The following PARL variants were observed in gnomAD, a reference collection of about 807,000 sequenced individuals.
The protein encoded by PARL is presenilin-associated rhomboid-like protein, mitochondrial.
A neutral mutation model predicts 51.6 loss-of-function variants in PARL; 44 were observed. That is an observed-to-expected ratio of 0.85 (90% confidence interval 0.67 to 1.10). PARL has a LOEUF of 1.10. Among genes scored for constraint, PARL ranks in the 50% least tolerant of loss-of-function variants. PARL has a pLI of 0.00. For missense variants in PARL, 441 were observed against 469.5 expected, an observed-to-expected ratio of 0.94 and a Z score of 0.56; for synonymous variants, 172 against 164.0, an observed-to-expected ratio of 1.05 and a Z score of -0.37.
intron 4 of PARL, among the ~76,000 whole-genome samples, chr3:183,847,243 G>C (rs1730059980): frequency 1.3e-5 from 2 of 152,282 alleles, no homozygotes; most frequent in South Asian, 4.1e-4. Context: ...TCTGTAAAAT[G>C]AGAATAATAA....
chr3:183,874,407 T>A (rs1411554081), intron 1 of PARL, among the ~76,000 whole-genome samples: 1 of 130,170 alleles, frequency 7.7e-6, no homozygotes, highest in African/African-American at 3.0e-5. Context: ...TCATTAGAAA[T>A]AATCTTTTTT....
chr3:183,846,892 G>T (rs1245348818), intron 4 of PARL, among the ~76,000 whole-genome samples: 3 of 152,226 alleles, frequency 2.0e-5, no homozygotes, highest in African/African-American at 2.4e-5. Context: ...GCTCTAAAAG[G>T]TACAAGTTGT....
Position 183,829,311 on chromosome 3 carries a change from C to T in PARL, c.*287G>A. 1.0e-6 allele frequency: 1 copy of T among 973,906 alleles called. No homozygotes were observed. Among genetic ancestry groups the T allele is most frequent in the Non-Finnish European group, 1.4e-6 (1 of 714,586 alleles). 60.3% of individuals were successfully genotyped at this position (973,906 alleles called of 1,614,324 possible). A position where few individuals can be genotyped will look rare whatever the true frequency, so the allele number is the denominator to read the frequency against. On this transcript the variant is annotated 3_prime_UTR_variant, in exon 10 of 10. Coordinates refer to ENST00000317096, the MANE Select transcript of PARL (RefSeq NM_018622.7). ...TCAGGCCTTTCAGGGTGCACTCTCC[C>T]CAGGTCCTGTCAATGCAACAACCAA...
chr3:183,838,025 T>TC (rs1728838597), intron 7 of PARL, among the ~76,000 whole-genome samples: 1 of 86,624 alleles, frequency 1.2e-5, no homozygotes, highest in Non-Finnish European at 2.4e-5. Flanking sequence ...CATTCAACTT[T>TC]CTTTTTTTTT....
chr3:183,834,013 C>G (rs1018756718), intron 7 of PARL, among the ~76,000 whole-genome samples, 188 bp from the exon 8 acceptor site: 3 of 152,156 alleles, frequency 2.0e-5, no homozygotes, highest in East Asian at 1.9e-4. Flanking sequence ...GTCCTTCACA[C>G]AGTAATCGCT....
At chr3:183,843,252 A>G in intron 5 of PARL, 1 of 985,392 alleles carries the variant, frequency 1.0e-6, no homozygotes, top group Non-Finnish European at 1.2e-6. Flanking sequence ...GTAAGCAACC[A>G]ATAAAAACTC....
chr3:183,842,411 C>T lies in PARL; in HGVS notation c.644G>A (p.Ser215Asn). 6.2e-7 allele frequency: 1 copy of T among 1,612,756 alleles called. No individual in the cohort carries two copies. The highest frequency in any genetic ancestry group is 8.5e-7 in the Non-Finnish European group (1 of 1,178,806). Residue 215 changes from serine (S) to asparagine (N), a missense_variant, in exon 6 of 10, where the codon AGT (serine) becomes AAT (asparagine). Transcript: ENST00000317096. Reference protein sequence around the residue: ...LCSPMLLSTFSHFSLFHMAAN... With the variant: ...LCSPMLLSTFNHFSLFHMAAN... ...TGCCATGTGAAATAAGGAGAAATGA[C>T]TGAATGTTGACAGCAACATTGGAGA...
Position 183,882,235 on chromosome 3 carries a change from ATATATATATT to A in PARL, c.125+2477_125+2486del, listed in dbSNP as rs1443245475. Among the ~76,000 whole-genome samples the A allele has an allele frequency of 1.6e-4, 4 of 24,392 alleles. 1 individual carries two copies. The highest frequency in any genetic ancestry group is 3.0e-3 in the East Asian group (2 of 676). The allele number at this position is 24,392 out of a possible 152,430, so 16.0% of individuals were successfully genotyped here. A position where few individuals can be genotyped will look rare whatever the true frequency, so the allele number is the denominator to read the frequency against. On this transcript the variant is annotated intron_variant, in intron 1 of 9. Coordinates refer to ENST00000317096, the MANE Select transcript of PARL (RefSeq NM_018622.7). The stretch of plus-strand genomic sequence containing the variant: ...AAAAAAAAAAAAAATATATATATAT[ATATATATATT>A]TATATATATATATATATATATATTT...
intron 1 of PARL, among the ~76,000 whole-genome samples, chr3:183,869,396 T>C (rs952030826): frequency 4.6e-5 from 7 of 152,018 alleles, no homozygotes; most frequent in South Asian, 2.1e-4. Context: ...TTAGTAGATA[T>C]GGGGTTTCAC....
chr3:183,837,588 C>T (rs1473278434), intron 7 of PARL, among the ~76,000 whole-genome samples: 1 of 152,194 alleles, frequency 6.6e-6, no homozygotes, highest in Non-Finnish European at 1.5e-5. Context: ...ACAAGAGCCC[C>T]TATCACTCAG....
At chr3:183,874,472 G>T (rs544237914) in intron 1 of PARL, among the ~76,000 whole-genome samples, 2 of 149,570 alleles carry the variant, frequency 1.3e-5, no homozygotes, top group African/African-American at 2.5e-5. Flanking sequence ...GCAGTGGCGC[G>T]ATCTCGACTC....
intron 2 of PARL, 151 bp from the exon 3 acceptor site, chr3:183,866,916 T>G: frequency 1.6e-6 from 1 of 626,684 alleles, no homozygotes; most frequent in East Asian, 2.8e-5. Flanking sequence ...GAAAAGGGCT[T>G]TTTTTTTTCT....
chr3:183,884,852 C>T lies in PARL; in HGVS notation c.-6G>A, dbSNP rs1560446989. The T allele has an allele frequency of 5.0e-6, 8 of 1,596,944 alleles. No individual in the cohort carries two copies. Among genetic ancestry groups the T allele is most frequent in the Non-Finnish European group, 6.8e-6 (8 of 1,179,408 alleles). On this transcript the variant is annotated 5_prime_UTR_variant, in exon 1 of 10. Coordinates refer to ENST00000317096, the MANE Select transcript of PARL (RefSeq NM_018622.7). The stretch of plus-strand genomic sequence containing the variant: ...GCCCAGCCTCGCCACGCCATCTTCC[C>T]AACCTCTGCCCCACCATGGCCCGAC...
intron 4 of PARL, among the ~76,000 whole-genome samples, chr3:183,858,101 T>C (rs145378059): frequency 9.8e-5 from 15 of 152,308 alleles, no homozygotes; most frequent in African/African-American, 2.9e-4. Flanking sequence ...TGAAGTGTGG[T>C]TGGCACTCAA....
chr3:183,845,321 T>C (rs1317152530), intron 4 of PARL, among the ~76,000 whole-genome samples: 1 of 152,228 alleles, frequency 6.6e-6, no homozygotes, highest in East Asian at 1.9e-4. Context: ...ATTTCTAGTC[T>C]GTCCAGTTTT....
chr3:183,880,556 C>T (rs1373317052), intron 1 of PARL, among the ~76,000 whole-genome samples: 4 of 152,024 alleles, frequency 2.6e-5, no homozygotes, highest in Non-Finnish European at 5.9e-5. Flanking sequence ...CGCCTGCCAC[C>T]ACACCTGGCT....
intron 7 of PARL, 75 bp from the exon 8 acceptor site, chr3:183,833,900 G>C: frequency 1.1e-6 from 1 of 939,468 alleles, no homozygotes; most frequent in South Asian, 1.3e-5. Context: ...CTAAAGAGCA[G>C]CACATTTTCT....
At chr3:183,881,238 C>T (rs1734402678) in intron 1 of PARL, among the ~76,000 whole-genome samples, 1 of 152,010 alleles carries the variant, frequency 6.6e-6, no homozygotes, top group Admixed American at 6.6e-5. Flanking sequence ...TCTCCTGCCT[C>T]GGCCCCCCGA....
At chr3:183,862,900 C>G (rs193230012) in intron 3 of PARL, 99 bp from the exon 4 acceptor site, 16 of 924,696 alleles carry the variant, frequency 1.7e-5, no homozygotes, top group African/African-American at 3.3e-5. Context: ...AGGAATTCCT[C>G]TTCTGCAAAA....
Sources: allele counts gnomAD v4.1 joint callset (sites outside exome capture counted in the v4.1 genomes callset), GRCh38; gene constraint gnomAD v4.1.1; transcripts MANE v1.5; gene names NCBI Gene and HGNC (gene_info 2026-07-23, HGNC 2026-07-21).